RORA: variants seen among roughly 807,000 people sequenced by gnomAD.
RORA encodes RAR related orphan receptor A.
In RORA, 7 loss-of-function variants were observed where a neutral mutation model predicts 69.5. That is an observed-to-expected ratio of 0.10 (90% CI 0.06 to 0.19). The LOEUF (loss-of-function observed/expected upper bound fraction) is 0.19, where lower values mean the gene tolerates loss of function less well. Among genes scored for constraint, RORA ranks in the 10% least tolerant of loss-of-function variants. RORA has a pLI of 1.00. For synonymous variants in RORA, 261 were observed against 240.8 expected (o/e 1.08, Z -0.78); for missense variants, 457 against 663.0 (o/e 0.69, Z 3.41).
At chr15:60,521,063 A>C (rs896291384) in intron 3 of RORA, among the ~76,000 whole-genome samples, 2 of 152,146 alleles carry the variant, frequency 1.3e-5, no homozygotes, top group Non-Finnish European at 2.9e-5. Flanking sequence ...TATCAGGTAC[A>C]GCAGTTGACA....
intron 1 of RORA, among the ~76,000 whole-genome samples, chr15:61,179,987 A>T (rs951002005): frequency 6.7e-6 from 1 of 148,738 alleles, no homozygotes; most frequent in Non-Finnish European, 1.5e-5. Context: ...AAAAAAAACA[A>T]AAAAAAAATA....
intron 2 of RORA, among the ~76,000 whole-genome samples, chr15:60,602,462 A>G (rs920890151): frequency 3.3e-5 from 5 of 152,348 alleles, no homozygotes; most frequent in African/African-American, 1.2e-4. Flanking sequence ...TATTGGAATC[A>G]TATTATGATT....
intron 2 of RORA, among the ~76,000 whole-genome samples, chr15:60,540,910 A>C (rs1479254840): frequency 2.0e-5 from 3 of 152,214 alleles, no homozygotes; most frequent in Non-Finnish European, 4.4e-5. Flanking sequence ...TGGTGTCATG[A>C]CACCAAAACT....
At chr15:61,190,314 C>A (rs181649372) in intron 1 of RORA, among the ~76,000 whole-genome samples, 1 of 152,228 alleles carries the variant, frequency 6.6e-6, no homozygotes. Flanking sequence ...CCAATAAGTT[C>A]TATAAAATTG....
chr15:60,748,895 A>G (rs192142742), intron 1 of RORA, among the ~76,000 whole-genome samples: 2 of 152,326 alleles, frequency 1.3e-5, no homozygotes, highest in Admixed American at 1.3e-4. Context: ...TTTCCAGTAC[A>G]CGGAGGAACT....
At chr15:60,830,513 C>T (rs1362639544) in intron 1 of RORA, among the ~76,000 whole-genome samples, 1 of 152,194 alleles carries the variant, frequency 6.6e-6, no homozygotes, top group Non-Finnish European at 1.5e-5. Context: ...CGATTCTTAA[C>T]TAAGGCAGAT....
chr15:60,901,700 G>A (rs1272932416), intron 1 of RORA, among the ~76,000 whole-genome samples: 1 of 152,186 alleles, frequency 6.6e-6, no homozygotes, highest in East Asian at 1.9e-4. Context: ...TGAGCCTGTT[G>A]GGCACTACGC....
At chr15:60,617,693 A>AGAGAGAGAGAGAGAGAG (rs1596064662) in intron 2 of RORA, among the ~76,000 whole-genome samples, 1 of 113,958 alleles carries the variant, frequency 8.8e-6, no homozygotes, top group African/African-American at 3.1e-5. Context: ...GAGAGAGAGA[A>AGAGAGAGAGAGAGAGAG]AGAGGGAGAG....
intron 1 of RORA, among the ~76,000 whole-genome samples, chr15:60,796,279 G>C (rs75627625): frequency 2.6e-5 from 4 of 152,108 alleles, no homozygotes; most frequent in African/African-American, 9.7e-5. Context: ...CCATGCACAC[G>C]ACTCTCCAGG....
chr15:60,947,078 C>G (rs1283017955), intron 1 of RORA, among the ~76,000 whole-genome samples: 1 of 87,066 alleles, frequency 1.1e-5, no homozygotes, highest in Non-Finnish European at 3.1e-5. Context: ...GGCCAGCCCC[C>G]GACCGGCCAG....
chr15:61,060,278 C>T (rs933254933), intron 1 of RORA, among the ~76,000 whole-genome samples: 1 of 152,304 alleles, frequency 6.6e-6, no homozygotes, highest in Non-Finnish European at 1.5e-5. Context: ...GCGTGCCTGG[C>T]AAACATGTCC....
intron 1 of RORA, among the ~76,000 whole-genome samples, chr15:60,946,127 G>A (rs942250932): frequency 3.3e-5 from 5 of 152,208 alleles, no homozygotes; most frequent in African/African-American, 7.2e-5. Context: ...CAGGATCAGC[G>A]GGTGTGCTGA....
intron 1 of RORA, among the ~76,000 whole-genome samples, chr15:60,816,960 G>GC: frequency 6.6e-6 from 1 of 152,042 alleles, no homozygotes; most frequent in African/African-American, 2.4e-5. Flanking sequence ...GCTTTGTTAT[G>GC]ATTGCCATTT....
At chr15:60,708,414 T>A (rs1214072553) in intron 1 of RORA, among the ~76,000 whole-genome samples, 12 of 142,936 alleles carry the variant, frequency 8.4e-5, no homozygotes, top group Non-Finnish European at 1.5e-4. Context: ...AGAGACTCCG[T>A]CTCAAAAAAA....
At chr15:61,222,067 T>C (rs1038207630) in intron 1 of RORA, among the ~76,000 whole-genome samples, 4 of 152,176 alleles carry the variant, frequency 2.6e-5, no homozygotes, top group Admixed American at 1.3e-4. Flanking sequence ...TACCATAATA[T>C]TTCCTACTCA....
chr15:60,615,175 C>A, intron 2 of RORA: 4 of 957,000 alleles, frequency 4.2e-6, no homozygotes, highest in Non-Finnish European at 6.1e-6. Context: ...GTGCACTTGG[C>A]AGAGCTGATG....
intron 1 of RORA, among the ~76,000 whole-genome samples, chr15:60,920,878 C>T (rs536796670): frequency 5.2e-4 from 79 of 152,282 alleles, no homozygotes; most frequent in Non-Finnish European, 9.1e-4. Flanking sequence ...ATGCAGGACA[C>T]CTCAGTGGAG....
intron 1 of RORA, among the ~76,000 whole-genome samples, chr15:61,032,230 C>T (rs1398811700): frequency 3.3e-5 from 5 of 152,196 alleles, no homozygotes. Flanking sequence ...GTTGTGGTTA[C>T]CATTTGTACA....
intron 1 of RORA, among the ~76,000 whole-genome samples, chr15:60,959,945 T>C (rs1490567278): frequency 5.3e-5 from 8 of 152,094 alleles, no homozygotes; most frequent in Admixed American, 2.6e-4. Context: ...GGGGTAAGGG[T>C]GCGGGCTTGC....
Sources: gnomAD v4.1 joint callset for allele counts (sites outside exome capture counted in the v4.1 genomes callset) on GRCh38, gnomAD v4.1.1 for gene constraint, MANE v1.5 for transcripts, NCBI Gene and HGNC (gene_info 2026-07-23, HGNC 2026-07-21) for gene names.